The following HDAC4 variants were observed in gnomAD, a reference collection of about 807,000 sequenced individuals.
The protein encoded by HDAC4 is histone deacetylase 4, also known as histone deacetylase A.
In HDAC4, 16 loss-of-function variants were observed where a neutral mutation model predicts 135.1. That is an observed-to-expected ratio of 0.12 (90% confidence interval 0.08 to 0.18). The LOEUF is 0.18. Ranked by LOEUF, HDAC4 falls within the 10% of genes least tolerant of loss-of-function variation. The pLI is 1.00. For synonymous variants in HDAC4, 685 were observed against 653.4 expected (o/e 1.05, Z -0.74); for missense variants, 1,143 against 1,511.8 (o/e 0.76, Z 4.05).
At chr2:239,371,807 A>T (rs1694641719) in intron 1 of HDAC4, among the ~76,000 whole-genome samples, 1 of 152,222 alleles carries the variant, frequency 6.6e-6, no homozygotes. Context: ...AAAGATGAGG[A>T]TCTGGGCCTG....
At chr2:239,232,312 GT>G (rs1434078834) in intron 3 of HDAC4, among the ~76,000 whole-genome samples, 2 of 152,244 alleles carry the variant, frequency 1.3e-5, no homozygotes, top group Non-Finnish European at 2.9e-5. Flanking sequence ...TTATAATCCT[GT>G]ATGACATTTT....
At chr2:239,118,300 A>T (rs1284343800) in intron 12 of HDAC4, among the ~76,000 whole-genome samples, 1 of 152,212 alleles carries the variant, frequency 6.6e-6, no homozygotes, top group African/African-American at 2.4e-5. Context: ...CTCTAAACCG[A>T]AGGCAGCTTT....
chr2:239,080,918 C>T lies in HDAC4; in HGVS notation c.2750+177G>A, dbSNP rs74000638. On this transcript the variant is annotated intron_variant, in intron 22 of 26. Coordinates refer to ENST00000543185, the MANE Select transcript of HDAC4 (RefSeq NM_001378414.1). ...TAAGAGCTGATGGTAAGAAGATAGT[C>T]GCCAAGATTCCACGCTTGGCACTGA... The T allele has an allele frequency of 4.3e-3, 2,579 of 598,300 alleles. 28 individuals carry two copies. The highest frequency in any genetic ancestry group is 0.038 in the African/African-American group (2,035 of 53,988). 37.1% of individuals were successfully genotyped at this position (598,300 alleles called of 1,614,324 possible).
At chr2:239,367,491 T>C (rs1694299062) in intron 1 of HDAC4, among the ~76,000 whole-genome samples, 1 of 152,188 alleles carries the variant, frequency 6.6e-6, no homozygotes, top group Non-Finnish European at 1.5e-5. Flanking sequence ...CAATACAGGT[T>C]GAGCATCCCT....
rs2152981893 is a variant in HDAC4 at position 239,167,839 on chromosome 2, T to C, written c.491-3916A>G. ...GTTCTGGCCAGCAGAGATGAAGCGG[T>C]GGATAAAAGAGGCCAAGTTCTTCCC... On this transcript the variant is annotated intron_variant, in intron 5 of 26. Transcript: ENST00000543185. The surrounding 1 kb of genome is among the most constrained non-coding windows in gnomAD (Gnocchi z 4.1). 1.4e-5 allele frequency among the ~76,000 whole-genome samples: 2 copies of C among 148,144 alleles called. No homozygotes were observed. The highest frequency in any genetic ancestry group is 2.1e-4 in the South Asian group (1 of 4,678).
rs1443873283 is a variant in HDAC4, at chr2:239,309,907, C to T, written c.22+42771G>A. On this transcript the variant is annotated intron_variant, in intron 2 of 26. Transcript: ENST00000543185. The surrounding 1 kb of genome is among the most constrained non-coding windows in gnomAD (Gnocchi z 4.2). ...AAGCTGCCCCCTCCCATGCTGCTGC[C>T]TGGTCCCATGGGGCATGAAGGGAGG... 6.6e-6 allele frequency among the ~76,000 whole-genome samples: 1 copy of T among 152,252 alleles called. No homozygotes were observed. Among genetic ancestry groups the T allele is most frequent in the East Asian group, 1.9e-4 (1 of 5,184 alleles).
rs912662972 is a variant in HDAC4, at chr2:239,087,410, A to G, written c.2444+149T>C. 4.2e-6 allele frequency: 3 copies of G among 719,566 alleles called. No individual in the cohort carries two copies. The African/African-American group carries it at 5.2e-5, about 13-fold the overall frequency. 44.6% of individuals were successfully genotyped at this position (719,566 alleles called of 1,614,324 possible). A position where few individuals can be genotyped will look rare whatever the true frequency, so the allele number is the denominator to read the frequency against. On this transcript the variant is annotated intron_variant, in intron 19 of 26. Transcript: ENST00000543185. ...TTGGCATCTGCACTCCACACCCAGG[A>G]GCTGGAGCCAAGCCGGCATGCGGCA...
intron 2 of HDAC4, among the ~76,000 whole-genome samples, chr2:239,242,456 C>G (rs932319999): frequency 1.3e-5 from 2 of 152,150 alleles, no homozygotes; most frequent in African/African-American, 4.8e-5. Flanking sequence ...TTTCCATTAT[C>G]AATTTCTGTT....
intron 3 of HDAC4, among the ~76,000 whole-genome samples, chr2:239,191,581 G>A (rs1368836782): frequency 6.6e-6 from 1 of 152,202 alleles, no homozygotes. Context: ...AAATGCTTTG[G>A]GGGAGGCCTG....
At chr2:239,096,903 C>A (rs894932612) in intron 16 of HDAC4, among the ~76,000 whole-genome samples, 1 of 152,144 alleles carries the variant, frequency 6.6e-6, no homozygotes, top group Non-Finnish European at 1.5e-5. Context: ...GCCACGTCCA[C>A]GGCCCGGGGC....
At chr2:239,067,510 A>T (rs1047488285) in intron 23 of HDAC4, among the ~76,000 whole-genome samples, 1 of 152,248 alleles carries the variant, frequency 6.6e-6, no homozygotes, top group Non-Finnish European at 1.5e-5. Flanking sequence ...CATCTGATGG[A>T]AACAGTGACA....
At chr2:239,228,181 T>C (rs923041557) in intron 3 of HDAC4, among the ~76,000 whole-genome samples, 3 of 152,132 alleles carry the variant, frequency 2.0e-5, no homozygotes, top group African/African-American at 7.2e-5. Flanking sequence ...CGCCAGACAC[T>C]TGCCCTTGCT....
chr2:239,376,900 C>T (rs963748577), intron 1 of HDAC4, among the ~76,000 whole-genome samples: 28 of 152,058 alleles, frequency 1.8e-4, no homozygotes, highest in African/African-American at 4.8e-4. Flanking sequence ...TGGGGTTGCA[C>T]GATGATAGCA....
rs1239746754 is a variant in HDAC4, at chr2:239,141,934, C to T, written c.866-2138G>A. On this transcript the variant is annotated intron_variant, in intron 8 of 26. Transcript: ENST00000543185. The surrounding 1 kb of genome is among the most constrained non-coding windows in gnomAD (Gnocchi z 4.9). Reference sequence around the variant, plus strand: ...CATAGTATTACTTAGATCAGCAAAACGGGAACACCATTGGAGGTGCTCAAA... The same window carrying T: ...CATAGTATTACTTAGATCAGCAAAATGGGAACACCATTGGAGGTGCTCAAA... 2.6e-5 allele frequency among the ~76,000 whole-genome samples: 4 copies of T among 152,126 alleles called. No individual in the cohort carries two copies. Among genetic ancestry groups the T allele is most frequent in the Admixed American group, 1.3e-4 (2 of 15,270 alleles).
chr2:239,153,802 C>CA (rs1478430370), intron 7 of HDAC4, among the ~76,000 whole-genome samples: 18 of 152,178 alleles, frequency 1.2e-4, no homozygotes, highest in African/African-American at 4.3e-4. Flanking sequence ...ACTTTGCTTC[C>CA]AATCATCCCC....
chr2:239,339,017 A>G (rs1692122885), intron 2 of HDAC4, among the ~76,000 whole-genome samples: 1 of 152,274 alleles, frequency 6.6e-6, no homozygotes, highest in African/African-American at 2.4e-5. Context: ...TAAGAAAACT[A>G]TGTATTTAGT....
chr2:239,081,064 T>TTCAGG, intron 22 of HDAC4, 31 bp downstream of exon 22: 2 of 1,525,186 alleles, frequency 1.3e-6, no homozygotes, highest in Non-Finnish European at 1.8e-6. Context: ...AAGCTGCTAC[T>TTCAGG]TCAGGTGTCA....
At chr2:239,166,565 C>G (rs1474891263) in intron 5 of HDAC4, among the ~76,000 whole-genome samples, 1 of 152,184 alleles carries the variant, frequency 6.6e-6, no homozygotes, top group African/African-American at 2.4e-5. Context: ...GCACTTTTAG[C>G]TGAACTGTCT....
intron 24 of HDAC4, among the ~76,000 whole-genome samples, chr2:239,055,953 C>T (rs368661439): frequency 8.1e-4 from 124 of 152,280 alleles, no homozygotes; most frequent in African/African-American, 2.9e-3. Flanking sequence ...GACAGACGCA[C>T]GACGACGTGT....
Sources: allele counts gnomAD v4.1 joint callset (sites outside exome capture counted in the v4.1 genomes callset), GRCh38; gene constraint gnomAD v4.1.1; non-coding constraint Gnocchi (gnomAD v3.1); transcripts MANE v1.5; gene names NCBI Gene and HGNC (gene_info 2026-07-23, HGNC 2026-07-21).